Variants in ASTN2 observed in about 807,000 individuals in gnomAD.
The protein encoded by ASTN2 is astrotactin-2.
ASTN2 carries 54 observed loss-of-function variants against 139.8 expected under a neutral mutation model. The observed-to-expected ratio is 0.39, with a 90% CI of 0.31 to 0.48. The LOEUF is 0.48. ASTN2 is among the 20% of genes least tolerant of loss of function. The pLI is 0.95. For synonymous variants in ASTN2, 756 were observed against 719.5 expected (o/e 1.05, Z -0.81); for missense variants, 1,565 against 1,725.1 (o/e 0.91, Z 1.64).
chr9:116,698,105 G>C lies in ASTN2; in HGVS notation c.2806+27666C>G. ...GGAGCTGTGGTTTGGTGTTATGTGA[G>C]CCCTGCCGGGAGGCAGACCATCAGC... On this transcript the variant is annotated intron_variant, in intron 16 of 22. Coordinates refer to ENST00000313400, the MANE Select transcript of ASTN2 (RefSeq NM_001365068.1). This position sits in a 1 kb window ranked among gnomAD's most constrained non-coding sequence, Gnocchi z 4.4. 6.2e-7 allele frequency: 1 copy of C among 1,614,118 alleles called. No homozygotes were observed. The highest frequency in any genetic ancestry group is 8.5e-7 in the Non-Finnish European group (1 of 1,180,046).
chr9:117,125,717 G>A (rs534134344), intron 4 of ASTN2, among the ~76,000 whole-genome samples: 1 of 152,230 alleles, frequency 6.6e-6, no homozygotes, highest in Admixed American at 6.5e-5. Flanking sequence ...ATATCCGTCA[G>A]GGCAGGTTGT....
intron 20 of ASTN2, among the ~76,000 whole-genome samples, chr9:116,459,637 T>C (rs1372898124): frequency 2.6e-5 from 4 of 152,182 alleles, no homozygotes; most frequent in African/African-American, 9.6e-5. Context: ...AAATGGCTAA[T>C]AAGCACATGA....
At chr9:116,636,606 C>T (rs1292348892) in intron 17 of ASTN2, among the ~76,000 whole-genome samples, 1 of 151,854 alleles carries the variant, frequency 6.6e-6, no homozygotes, top group Non-Finnish European at 1.5e-5. Flanking sequence ...CGTTTGAACC[C>T]GGGAGGTGGA....
At chr9:116,475,272 T>C (rs967631007) in intron 20 of ASTN2, among the ~76,000 whole-genome samples, 1 of 152,164 alleles carries the variant, frequency 6.6e-6, no homozygotes, top group Non-Finnish European at 1.5e-5. Context: ...CTCTGTGCCA[T>C]GCCTAATTTA....
Position 116,849,543 on chromosome 9 carries a change from C to T in ASTN2, c.2040+14040G>A, listed in dbSNP as rs929435447. Reference sequence around the variant, plus strand: ...TATTATTTCACCCTTTTTTTGAATACTGGGAGATTAAGACTTAAAGAGGTT... The same window carrying T: ...TATTATTTCACCCTTTTTTTGAATATTGGGAGATTAAGACTTAAAGAGGTT... On this transcript the variant is annotated intron_variant, in intron 11 of 22. Transcript: ENST00000313400. Among the ~76,000 whole-genome samples, 4 of 151,928 alleles carry T rather than the reference C, an allele frequency of 2.6e-5. No individual in the cohort carries two copies. The South Asian group carries it at 6.2e-4, about 24-fold the overall frequency.
rs150998387 is a variant in ASTN2, at chr9:116,825,864, C to G, written c.2041-5081G>C. Reference sequence around the variant, plus strand: ...GCATCTGAACCTGGAGTAGACACAGCTGGGCACTATTTTGAGAGCCAAAAT... The same window carrying G: ...GCATCTGAACCTGGAGTAGACACAGGTGGGCACTATTTTGAGAGCCAAAAT... On this transcript the variant is annotated intron_variant, in intron 11 of 22. Transcript: ENST00000313400. Among the ~76,000 whole-genome samples, 17 of 152,334 alleles carry G rather than the reference C, an allele frequency of 1.1e-4. No individual in the cohort carries two copies. The East Asian group carries it at 3.3e-3, about 29-fold the overall frequency.
chr9:116,736,461 AC>A (rs1828929078), intron 13 of ASTN2, among the ~76,000 whole-genome samples: 1 of 152,064 alleles, frequency 6.6e-6, no homozygotes, highest in Non-Finnish European at 1.5e-5. Context: ...GTGCTAAAGG[AC>A]CTGCCTGTGA....
chr9:117,187,178 G>A (rs1831221405), intron 3 of ASTN2, among the ~76,000 whole-genome samples: 1 of 152,130 alleles, frequency 6.6e-6, no homozygotes, highest in Admixed American at 6.6e-5. Context: ...AGAACACAGT[G>A]TGGTGCATGT....
intron 22 of ASTN2, among the ~76,000 whole-genome samples, chr9:116,436,685 G>C (rs1847660225): frequency 6.6e-6 from 1 of 152,122 alleles, no homozygotes; most frequent in African/African-American, 2.4e-5. Flanking sequence ...GTGATTCCAT[G>C]TAAGATTTAT....
intron 19 of ASTN2, among the ~76,000 whole-genome samples, chr9:116,589,657 A>T (rs1489341990): frequency 1.3e-5 from 2 of 152,154 alleles, no homozygotes; most frequent in African/African-American, 4.8e-5. Context: ...TCTCCAGTAG[A>T]GGGCAATCCC....
chr9:116,803,522 A>ATTTT lies in ASTN2; in HGVS notation c.2396+2106_2396+2109dup, dbSNP rs1158429877. Among the ~76,000 whole-genome samples, 152 of 21,024 alleles carry ATTTT rather than the reference A, an allele frequency of 7.2e-3. 4 individuals carry two copies. The highest frequency in any genetic ancestry group is 7.3e-3 in the Non-Finnish European group (91 of 12,428). The allele number at this position is 21,024 out of a possible 152,430, so 13.8% of individuals were successfully genotyped here. A position where few individuals can be genotyped will look rare whatever the true frequency, so the allele number is the denominator to read the frequency against. On this transcript the variant is annotated intron_variant, in intron 13 of 22. Transcript: ENST00000313400. ...TATATATATATATATATATATATATATTTTTTTTTTTTTTTTTTTTTAGAC... is the reference window on the plus strand; with the variant it reads ...TATATATATATATATATATATATATATTTTTTTTTTTTTTTTTTTTTTTTTAGAC...
chr9:116,579,859 T>C (rs532948385), intron 19 of ASTN2, among the ~76,000 whole-genome samples: 2 of 152,282 alleles, frequency 1.3e-5, no homozygotes, highest in South Asian at 2.1e-4. Context: ...TCTTGCTCTG[T>C]CACCCAGGCT....
intron 6 of ASTN2, among the ~76,000 whole-genome samples, chr9:117,024,823 C>T (rs531005703): frequency 5.3e-5 from 8 of 152,174 alleles, no homozygotes; most frequent in Non-Finnish European, 1.2e-4. Context: ...TCCCATAATT[C>T]CCATATGTTG....
chr9:116,696,272 G>T (rs1263257827), intron 16 of ASTN2, among the ~76,000 whole-genome samples: 1 of 151,998 alleles, frequency 6.6e-6, no homozygotes, highest in African/African-American at 2.4e-5. Context: ...TTAATCTAAG[G>T]ATAATAAAAA....
intron 16 of ASTN2, among the ~76,000 whole-genome samples, chr9:116,691,997 A>T (rs988726367): frequency 3.3e-5 from 5 of 152,210 alleles, no homozygotes; most frequent in African/African-American, 1.2e-4. Context: ...TTTAGGGGAA[A>T]GCACTGTTTA....
intron 19 of ASTN2, among the ~76,000 whole-genome samples, chr9:116,508,446 G>C (rs1413560263): frequency 1.3e-5 from 2 of 152,118 alleles, no homozygotes; most frequent in African/African-American, 4.8e-5. Context: ...AACAGGACCA[G>C]TCAATTTTTT....
intron 19 of ASTN2, chr9:116,583,013 C>G (rs1854012478): frequency 6.6e-6 from 1 of 152,232 alleles, no homozygotes; most frequent in South Asian, 2.1e-4. Flanking sequence ...AGGCCCTGCT[C>G]TCCTGGAGCT....
chr9:116,956,636 T>C (rs1835716791), intron 10 of ASTN2, among the ~76,000 whole-genome samples: 1 of 151,868 alleles, frequency 6.6e-6, no homozygotes. Flanking sequence ...TGATCTCCAT[T>C]CATTCATGAC....
Position 116,699,257 on chromosome 9 carries a change from C to T in ASTN2, c.2806+26514G>A, listed in dbSNP as rs1861051928. The T allele has an allele frequency of 6.2e-7, 1 of 1,614,200 alleles. No homozygotes were observed. The highest frequency in any genetic ancestry group is 1.6e-4 in the Middle Eastern group (1 of 6,062). ...CAGTTGATCGAGGATCAGGGGTGGTCAAATACAGCTGCCTATGTAGTGCTG... is the reference window on the plus strand; with the variant it reads ...CAGTTGATCGAGGATCAGGGGTGGTTAAATACAGCTGCCTATGTAGTGCTG... On this transcript the variant is annotated intron_variant, in intron 16 of 22. Coordinates refer to ENST00000313400, the MANE Select transcript of ASTN2 (RefSeq NM_001365068.1). The surrounding 1 kb of genome is among the most constrained non-coding windows in gnomAD (Gnocchi z 4.2).
Sources: gnomAD v4.1 joint callset for allele counts (sites outside exome capture counted in the v4.1 genomes callset) on GRCh38, gnomAD v4.1.1 for gene constraint, Gnocchi (gnomAD v3.1) non-coding constraint, MANE v1.5 for transcripts, NCBI Gene and HGNC (gene_info 2026-07-23, HGNC 2026-07-21) for gene names.